The following NRG1 variants were observed in gnomAD, a reference collection of about 807,000 sequenced individuals.
NRG1 encodes the protein neuregulin 1.
A neutral mutation model predicts 63.8 loss-of-function variants in NRG1; 18 were observed. The observed-to-expected ratio is 0.28, with a 90% CI of 0.19 to 0.42. The LOEUF (loss-of-function observed/expected upper bound fraction) is 0.42, where lower values mean the gene tolerates loss of function less well. Among genes scored for constraint, NRG1 ranks in the 10% least tolerant of loss-of-function variants. The probability of loss-of-function intolerance (pLI) is 1.00; values close to 1 mark genes in which losing one functional copy is unlikely to be tolerated. For missense variants in NRG1, 762 were observed against 814.7 expected (o/e 0.94, Z 0.79); for synonymous variants, 302 against 301.3 (o/e 1.00, Z -0.02).
At chr8:32,462,956 C>T (rs1174160494) in intron 1 of NRG1, among the ~76,000 whole-genome samples, 1 of 151,850 alleles carries the variant, frequency 6.6e-6, no homozygotes, top group Non-Finnish European at 1.5e-5. Context: ...ATCTACTTTC[C>T]ATTTTCTCCT....
At chr8:32,623,888 C>T (rs1035917249) in intron 5 of NRG1, among the ~76,000 whole-genome samples, 1 of 152,116 alleles carries the variant, frequency 6.6e-6, no homozygotes, top group Non-Finnish European at 1.5e-5. Context: ...AAGCTTTGAC[C>T]TTTCGTACTG....
intron 1 of NRG1, among the ~76,000 whole-genome samples, chr8:32,551,422 A>T (rs930336653): frequency 7.2e-5 from 11 of 152,152 alleles, no homozygotes; most frequent in Non-Finnish European, 1.6e-4. Flanking sequence ...ACATTGCCTC[A>T]TGACAGTCAG....
intron 1 of NRG1, among the ~76,000 whole-genome samples, chr8:32,275,350 G>A (rs180793753): frequency 2.6e-5 from 4 of 152,130 alleles, no homozygotes; most frequent in Admixed American, 1.3e-4. Context: ...GGAGACAGAC[G>A]GTAAGAATAT....
rs116939460 is a variant in NRG1 at position 31,665,804 on chromosome 8, C to G, written c.37+26373C>G. Among the ~76,000 whole-genome samples, 1,368 of 152,152 alleles carry G rather than the reference C, an allele frequency of 9.0e-3. 12 individuals carry two copies. Among genetic ancestry groups the G allele is most frequent in the South Asian group, 0.016 (77 of 4,826 alleles). On this transcript the variant is annotated intron_variant, in intron 1 of 10. Transcript: ENST00000519301. ...AAATGGTGCGATATGACCCAGGGCT[C>G]TCATCTGTTTAACTTTGCTAATTTG... is the stretch of plus-strand genomic sequence containing the variant.
At chr8:32,437,510 T>A (rs75124505) in intron 1 of NRG1, among the ~76,000 whole-genome samples, 3 of 152,188 alleles carry the variant, frequency 2.0e-5, no homozygotes, top group Non-Finnish European at 4.4e-5. Flanking sequence ...AAGAAATGCT[T>A]GTTGATGGGC....
At chr8:31,683,227 C>T (rs533302477) in intron 1 of NRG1, among the ~76,000 whole-genome samples, 3 of 152,204 alleles carry the variant, frequency 2.0e-5, no homozygotes, top group Middle Eastern at 6.8e-3. Flanking sequence ...AATGTCCACA[C>T]AAAACATGCA....
At chr8:32,167,569 T>C (rs1839531918) in intron 1 of NRG1, among the ~76,000 whole-genome samples, 1 of 152,176 alleles carries the variant, frequency 6.6e-6, no homozygotes, top group Non-Finnish European at 1.5e-5. Flanking sequence ...CACACAGATC[T>C]TTTTTTAAGA....
At chr8:32,535,819 A>G (rs1246584795) in intron 1 of NRG1, among the ~76,000 whole-genome samples, 1 of 152,140 alleles carries the variant, frequency 6.6e-6, no homozygotes, top group Non-Finnish European at 1.5e-5. Flanking sequence ...CACCTTGGAG[A>G]TAGCCTTGCC....
Position 32,653,957 on chromosome 8 carries a change from C to CGTGTGT in NRG1, c.502+37089_502+37094dup, listed in dbSNP as rs34252278. ...TGCAGTGAATTTTATCGTGTGTATG[C>CGTGTGT]GTGTGTGTGTGTGTGTGTGTGTAGA... On this transcript the variant is annotated intron_variant, in intron 5 of 11. Transcript: ENST00000356819. 1.5e-3 allele frequency among the ~76,000 whole-genome samples: 225 copies of CGTGTGT among 148,780 alleles called. 8 individuals are homozygous for CGTGTGT. In the East Asian group the frequency reaches 0.033, roughly 22 times the overall value.
chr8:32,032,213 C>G (rs1818358438), intron 1 of NRG1, among the ~76,000 whole-genome samples: 1 of 151,542 alleles, frequency 6.6e-6, no homozygotes, highest in Non-Finnish European at 1.5e-5. Flanking sequence ...TGAGGTTGAA[C>G]TTTTTTCATA....
At chr8:32,588,894 C>G (rs1489281705) in intron 1 of NRG1, among the ~76,000 whole-genome samples, 3 of 152,170 alleles carry the variant, frequency 2.0e-5, no homozygotes, top group Admixed American at 2.0e-4. Flanking sequence ...CAGCTCCATT[C>G]CAGCTCACAG....
intron 1 of NRG1, among the ~76,000 whole-genome samples, chr8:32,194,888 G>A (rs1216926144): frequency 2.0e-5 from 3 of 151,956 alleles, no homozygotes; most frequent in Admixed American, 6.6e-5. Context: ...AAAAAAAATT[G>A]TAACATACAT....
intron 5 of NRG1, among the ~76,000 whole-genome samples, chr8:32,685,812 G>A (rs1402189850): frequency 6.6e-6 from 1 of 152,202 alleles, no homozygotes; most frequent in Non-Finnish European, 1.5e-5. Flanking sequence ...AAGGAGATCT[G>A]AGGAAATCCA....
chr8:31,823,066 ATG>A (rs966821203), intron 1 of NRG1, among the ~76,000 whole-genome samples: 1 of 143,904 alleles, frequency 6.9e-6, no homozygotes, highest in Non-Finnish European at 1.5e-5. Context: ...GACCAAAGGT[ATG>A]TGTGTGTGTG....
chr8:32,482,674 A>G (rs1563525648), intron 1 of NRG1, among the ~76,000 whole-genome samples: 1 of 152,152 alleles, frequency 6.6e-6, no homozygotes, highest in Non-Finnish European at 1.5e-5. Context: ...TACAGGAGGA[A>G]CAGGGGACGG....
intron 1 of NRG1, among the ~76,000 whole-genome samples, chr8:32,169,209 A>G (rs1839733139): frequency 6.6e-6 from 1 of 152,206 alleles, no homozygotes; most frequent in Admixed American, 6.5e-5. Context: ...CCCAAGTCAC[A>G]TGGCCAACTG....
upstream of NRG1, among the ~76,000 whole-genome samples, chr8:32,546,124 C>T (rs1372407594): frequency 6.6e-6 from 1 of 152,142 alleles, no homozygotes; most frequent in Non-Finnish European, 1.5e-5. Flanking sequence ...TTTTGGAAGA[C>T]TGTCAACTAC....
At chr8:31,918,432 AG>A (rs1422557851) in intron 1 of NRG1, among the ~76,000 whole-genome samples, 21 of 152,178 alleles carry the variant, frequency 1.4e-4, no homozygotes, top group Non-Finnish European at 1.9e-4. Context: ...ATTTTGTCAA[AG>A]GCCTTTTCTG....
At chr8:31,986,862 A>G (rs867633246) in intron 1 of NRG1, among the ~76,000 whole-genome samples, 13 of 152,140 alleles carry the variant, frequency 8.5e-5, no homozygotes, top group African/African-American at 3.1e-4. Flanking sequence ...GGTTTACTAA[A>G]TTAGGAGAAA....
Sources: allele counts gnomAD v4.1 joint callset (sites outside exome capture counted in the v4.1 genomes callset), GRCh38; gene constraint gnomAD v4.1.1; transcripts MANE v1.5; gene names NCBI Gene and HGNC (gene_info 2026-07-23, HGNC 2026-07-21).